RNF6: variants seen among roughly 807,000 people sequenced by gnomAD.
The protein encoded by RNF6 is ring finger protein 6, also known as E3 ubiquitin-protein ligase RNF6.
A neutral mutation model predicts 50.1 loss-of-function variants in RNF6; 21 were observed. The observed-to-expected ratio is 0.42, with a 90% CI of 0.30 to 0.60. RNF6 has a LOEUF of 0.60. Ranked by LOEUF, RNF6 falls within the 20% of genes least tolerant of loss-of-function variation. The pLI is 0.20. For synonymous variants in RNF6, 255 were observed against 291.8 expected, an observed-to-expected ratio of 0.87 and a Z score of 1.29; for missense variants, 698 against 838.2, an observed-to-expected ratio of 0.83 and a Z score of 2.07.
rs565570771 is a variant in RNF6 at position 26,222,054 on chromosome 13, GCGGCCGTTCTCT to G, written c.-165_-154del. On this transcript the variant is annotated 5_prime_UTR_variant, in exon 1 of 5. Transcript: ENST00000381588. The stretch of plus-strand genomic sequence containing the variant: ...CCTGTCCGGAGAACGTGTGCTGTGG[GCGGCCGTTCTCT>G]CGGGTGCTGGAGGCTGTGGTTGGGA... 1,044 of 152,440 alleles carry G rather than the reference GCGGCCGTTCTCT, an allele frequency of 6.8e-3. 8 individuals carry two copies. Among genetic ancestry groups the G allele is most frequent in the Middle Eastern group, 0.023 (7 of 298 alleles). 9.4% of individuals were successfully genotyped at this position (152,440 alleles called of 1,614,324 possible).
chr13:26,186,801 G>C (rs1462030408), intron 5 of RNF6, among the ~76,000 whole-genome samples: 13 of 151,008 alleles, frequency 8.6e-5, no homozygotes, highest in Non-Finnish European at 1.6e-4. Flanking sequence ...TTTTTGAGAC[G>C]GAGTCTCGTT....
intron 5 of RNF6, among the ~76,000 whole-genome samples, chr13:26,193,146 A>T (rs935563951): frequency 1.3e-5 from 2 of 152,208 alleles, no homozygotes; most frequent in East Asian, 3.8e-4. Context: ...ACCAGTAAGC[A>T]GTTGGATATA....
intron 5 of RNF6, among the ~76,000 whole-genome samples, chr13:26,183,043 G>C (rs1873316970): frequency 6.6e-6 from 1 of 152,166 alleles, no homozygotes; most frequent in Non-Finnish European, 1.5e-5. Flanking sequence ...CCTGACATTT[G>C]TTTTTGAGCC....
intron 5 of RNF6, among the ~76,000 whole-genome samples, chr13:26,206,920 A>G (rs1479945751): frequency 6.6e-6 from 1 of 152,146 alleles, no homozygotes; most frequent in Non-Finnish European, 1.5e-5. Flanking sequence ...CCTCCTTAAA[A>G]AAAAAAAATT....
At chr13:26,174,649 C>T (rs1339870582) in intron 5 of RNF6, among the ~76,000 whole-genome samples, 2 of 152,058 alleles carry the variant, frequency 1.3e-5, no homozygotes, top group Non-Finnish European at 2.9e-5. Flanking sequence ...AGTTACTCAC[C>T]CCCTTAGGCT....
At chr13:26,185,932 C>T (rs966982088) in intron 5 of RNF6, among the ~76,000 whole-genome samples, 3 of 152,174 alleles carry the variant, frequency 2.0e-5, no homozygotes, top group Admixed American at 2.0e-4. Flanking sequence ...TATGTCCTAG[C>T]TTCTGCTAGG....
chr13:26,144,158 G>A (rs928581318), intron 5 of RNF6, among the ~76,000 whole-genome samples: 6 of 152,026 alleles, frequency 3.9e-5, no homozygotes, highest in African/African-American at 1.4e-4. Flanking sequence ...CACTCTCCAT[G>A]TCAACCATGG....
Position 26,214,056 on chromosome 13 carries a change from T to G in RNF6, c.1826A>C (p.Glu609Ala). 1.2e-6 allele frequency: 2 copies of G among 1,614,212 alleles called. No homozygotes were observed. The highest frequency in any genetic ancestry group is 4.5e-5 in the East Asian group (2 of 44,888). ...CCTGGTGGAAAGATTGTCAATCTGC[T>G]CTTTGGTTAAACCACGTATTCGATC... ...DDDRIRGLTK[E>A]QIDNLSTRHY... Residue 609 changes from glutamate (E) to alanine (A), a missense_variant, in exon 5 of 5, where the codon GAG (glutamate) becomes GCG (alanine). By Grantham distance (107) the Glu-to-Ala change is moderately radical. Transcript: ENST00000381588.
intron 5 of RNF6, among the ~76,000 whole-genome samples, chr13:26,158,935 T>G (rs931135743): frequency 1.3e-5 from 2 of 152,336 alleles, no homozygotes; most frequent in South Asian, 2.1e-4. Flanking sequence ...TGGAACCTTG[T>G]GTAACAAAGT....
At chr13:26,146,952 G>T (rs1871283061) in intron 5 of RNF6, among the ~76,000 whole-genome samples, 1 of 152,092 alleles carries the variant, frequency 6.6e-6, no homozygotes, top group Admixed American at 6.6e-5. Context: ...CACCATGATT[G>T]TAAATTTCCT....
At chr13:26,161,011 T>A (rs577732610) in intron 5 of RNF6, among the ~76,000 whole-genome samples, 73 of 152,244 alleles carry the variant, frequency 4.8e-4, no homozygotes, top group African/African-American at 1.6e-3. Context: ...CATTGTGAGG[T>A]ACTGGGGGTT....
Position 26,202,747 on chromosome 13 carries a change from A to C in RNF6, n.768+12727T>G, listed in dbSNP as rs117455601. Among the ~76,000 whole-genome samples, 1,070 of 152,392 alleles carry C rather than the reference A, an allele frequency of 7.0e-3. 9 individuals are homozygous for C. The highest frequency in any genetic ancestry group is 0.024 in the Middle Eastern group (7 of 294). ...ATCAAGAATAAAAATAGTATGGTACATTTAGAAAGGAAAAACAAACACCCA... is the reference window on the plus strand; with the variant it reads ...ATCAAGAATAAAAATAGTATGGTACCTTTAGAAAGGAAAAACAAACACCCA... On this transcript the variant is annotated intron_variant and non_coding_transcript_variant, in intron 5 of 5. Coordinates refer to the RNF6 transcript ENST00000468480.
upstream of RNF6, chr13:26,222,759 C>G (rs1237786534): frequency 6.6e-6 from 1 of 152,392 alleles, no homozygotes; most frequent in Non-Finnish European, 1.5e-5. Context: ...ATCCCAGTAG[C>G]TGGAACTACA....
intron 5 of RNF6, among the ~76,000 whole-genome samples, chr13:26,139,169 A>G (rs1288460967): frequency 6.6e-6 from 1 of 152,122 alleles, no homozygotes; most frequent in Non-Finnish European, 1.5e-5. Context: ...TGAACCCCCA[A>G]CCACTCCATT....
intron 5 of RNF6, among the ~76,000 whole-genome samples, chr13:26,198,357 G>A (rs997937261): frequency 6.6e-6 from 1 of 151,752 alleles, no homozygotes; most frequent in African/African-American, 2.4e-5. Flanking sequence ...ATTGGATGAG[G>A]CCTGCCCACA....
At chr13:26,193,802 A>G (rs1036255933) in intron 5 of RNF6, among the ~76,000 whole-genome samples, 2 of 152,230 alleles carry the variant, frequency 1.3e-5, no homozygotes, top group African/African-American at 4.8e-5. Context: ...GGTTGATTGA[A>G]CAAATGGAAG....
chr13:26,179,570 G>A (rs912758466), intron 5 of RNF6, among the ~76,000 whole-genome samples: 1 of 152,132 alleles, frequency 6.6e-6, no homozygotes, highest in Admixed American at 6.6e-5. Flanking sequence ...CTTATCTCAC[G>A]GCTCTGCATT....
At chr13:26,173,010 GGTGGATCATAATTATAT>G (rs1872776049) in intron 5 of RNF6, among the ~76,000 whole-genome samples, 1 of 152,184 alleles carries the variant, frequency 6.6e-6, no homozygotes, top group Non-Finnish European at 1.5e-5. Context: ...AGAAAAGCCA[GGTGGATCATAATTATAT>G]GAGAACATGC....
chr13:26,151,411 T>C (rs866590780), intron 5 of RNF6, among the ~76,000 whole-genome samples: 1 of 152,034 alleles, frequency 6.6e-6, no homozygotes, highest in Non-Finnish European at 1.5e-5. Context: ...TACAGGTGCA[T>C]GCCACCACGC....
Sources: gnomAD v4.1 joint callset for allele counts (sites outside exome capture counted in the v4.1 genomes callset) on GRCh38, gnomAD v4.1.1 for gene constraint, MANE v1.5 for transcripts, NCBI Gene and HGNC (gene_info 2026-07-23, HGNC 2026-07-21) for gene names.